RAPGEF1: variants seen among roughly 807,000 people sequenced by gnomAD.
The protein encoded by RAPGEF1 is CRK SH3-binding GNRP.
Under a neutral mutation model 143.3 loss-of-function variants are expected in RAPGEF1, and 33 were observed. The observed-to-expected ratio is 0.23, with a 90% confidence interval of 0.17 to 0.31. RAPGEF1 has a LOEUF of 0.31. Among genes scored for constraint, RAPGEF1 ranks in the 10% least tolerant of loss-of-function variants. RAPGEF1 has a pLI of 1.00. For synonymous variants in RAPGEF1, 629 were observed against 676.5 expected, an observed-to-expected ratio of 0.93 and a Z score of 1.09; for missense variants, 1,199 against 1,645.4, an observed-to-expected ratio of 0.73 and a Z score of 4.69.
intron 14 of RAPGEF1, among the ~76,000 whole-genome samples, chr9:131,602,501 G>A (rs924040012): frequency 2.0e-5 from 3 of 152,086 alleles, no homozygotes; most frequent in Non-Finnish European, 2.9e-5. Context: ...ATTTGACTTC[G>A]TCAGTGAGCT....
In RAPGEF1 at chr9:131,589,950, T is replaced by C; in HGVS notation, c.2803A>G (p.Thr935Ala). 6.2e-7 allele frequency: 1 copy of C among 1,613,828 alleles called. No homozygotes were observed. Among genetic ancestry groups the C allele is most frequent in the East Asian group, 2.2e-5 (1 of 44,866 alleles). ...TTCTTGCTGACGCGCTTCTTGAATG[T>C]GTCGGCAAAGGGAGAGAATTTCTCA... ...RYEKFSPFAD[T>A]FKKRVSKNTF... Residue 935 changes from threonine to alanine, a missense_variant, in exon 19 of 27, where the codon ACA becomes GCA. Physicochemically the swap from Thr to Ala is moderately conservative, Grantham distance 58. Transcript: ENST00000683357.
Position 131,621,809 on chromosome 9 carries a change from T to C in RAPGEF1, c.1892A>G (p.Lys631Arg). 1 of 1,607,136 alleles carries C rather than the reference T, an allele frequency of 6.2e-7. No homozygotes were observed. Among genetic ancestry groups the C allele is most frequent in the Non-Finnish European group, 8.5e-7 (1 of 1,177,114 alleles). Residue 631 changes from lysine (K) to arginine (R), a missense_variant, in exon 11 of 27, where the codon AAG (lysine) becomes AGG (arginine). Lys to Arg is a conservative substitution (Grantham distance 26). Coordinates refer to ENST00000683357, the MANE Select transcript of RAPGEF1 (RefSeq NM_001377935.1). The surrounding 1 kb of genome is among the most constrained non-coding windows in gnomAD (Gnocchi z 4.5). ...GGTGTCACTCACCAGCTGCCGCTGC[T>C]TGGGGGGTAGGGCGGGCGGCGGGGC... Reference protein sequence around the residue: ...ELAPPPALPPKQRQLASCAAS... With the variant: ...ELAPPPALPPRQRQLASCAAS...
rs183463991 is a variant in RAPGEF1, at chr9:131,677,321, T to C, written c.62-26372A>G. 6.8e-4 allele frequency among the ~76,000 whole-genome samples: 104 copies of C among 152,288 alleles called. 1 individual carries two copies. Among genetic ancestry groups the C allele is most frequent in the African/African-American group, 2.3e-3 (96 of 41,556 alleles). On this transcript the variant is annotated intron_variant, in intron 1 of 26. Transcript: ENST00000683357. ...AAAATTAAAGAGCTCTGCATGCAAG[T>C]AGAGATGCAATGTGCTAACAAATAC...
chr9:131,653,931 GAAT>G (rs1971755375), intron 1 of RAPGEF1, among the ~76,000 whole-genome samples: 1 of 152,206 alleles, frequency 6.6e-6, no homozygotes, highest in South Asian at 2.1e-4. Flanking sequence ...CCATACAATG[GAAT>G]ATTATTTGGC....
At chr9:131,592,264 G>A in intron 17 of RAPGEF1, 81 bp from the exon 18 acceptor site, 1 of 1,146,230 alleles carries the variant, frequency 8.7e-7, no homozygotes, top group Non-Finnish European at 1.3e-6. Context: ...TTGAGTCCTT[G>A]CTCTGAGAGA....
At chr9:131,734,005 T>C (rs1236236063) in intron 1 of RAPGEF1, among the ~76,000 whole-genome samples, 1 of 152,244 alleles carries the variant, frequency 6.6e-6, no homozygotes, top group African/African-American at 2.4e-5. Flanking sequence ...TTAGTGCTAT[T>C]TCTTATCTCT....
In RAPGEF1 at chr9:131,616,572, A is replaced by C. The variant is rs145748080; in HGVS notation, c.2061+2479T>G. Among the ~76,000 whole-genome samples the C allele has an allele frequency of 3.1e-3, 475 of 152,294 alleles. 13 individuals carry two copies. Among genetic ancestry groups the C allele is most frequent in the Non-Finnish European group, 6.9e-4 (47 of 68,016 alleles). ...TTCCACACAGGTTTAGTGCCCTACA[A>C]ATTCCCTTGGCAAGAGGTTTTCAAT... is the stretch of plus-strand genomic sequence containing the variant. On this transcript the variant is annotated intron_variant, in intron 12 of 26. Transcript: ENST00000683357.
chr9:131,588,738 G>C, intron 20 of RAPGEF1, 63 bp downstream of exon 20: 2 of 1,491,146 alleles, frequency 1.3e-6, no homozygotes, highest in South Asian at 1.3e-5. Context: ...CAGGGAGGGA[G>C]GGTAAACTGA....
At chr9:131,658,958 G>A (rs1309410519) in intron 1 of RAPGEF1, among the ~76,000 whole-genome samples, 3 of 152,198 alleles carry the variant, frequency 2.0e-5, no homozygotes, top group Non-Finnish European at 2.9e-5. Flanking sequence ...ACCAGGGATG[G>A]TGGGGAGTCT....
At chr9:131,606,354 T>C (rs960959581) in intron 12 of RAPGEF1, among the ~76,000 whole-genome samples, 3 of 152,180 alleles carry the variant, frequency 2.0e-5, no homozygotes, top group Admixed American at 2.0e-4. Flanking sequence ...GCTACCATCA[T>C]GGGGAGCTGG....
intron 1 of RAPGEF1, among the ~76,000 whole-genome samples, chr9:131,719,295 C>G (rs550834371): frequency 5.5e-4 from 84 of 152,328 alleles, no homozygotes; most frequent in African/African-American, 1.9e-3. Context: ...TTCTGGCCAT[C>G]TCTTGTCAGG....
chr9:131,611,578 T>C (rs1293041591), intron 12 of RAPGEF1, among the ~76,000 whole-genome samples: 1 of 152,220 alleles, frequency 6.6e-6, no homozygotes, highest in Non-Finnish European at 1.5e-5. Flanking sequence ...TCACTAAGTG[T>C]TGATCTGAAT....
chr9:131,679,734 A>G (rs1379597564), intron 1 of RAPGEF1, among the ~76,000 whole-genome samples: 1 of 152,128 alleles, frequency 6.6e-6, no homozygotes. Context: ...CAAGTTGCCC[A>G]CTCGGGGTGT....
At chr9:131,713,031 G>A (rs1445841522) in intron 1 of RAPGEF1, among the ~76,000 whole-genome samples, 2 of 152,076 alleles carry the variant, frequency 1.3e-5, no homozygotes, top group Non-Finnish European at 2.9e-5. Context: ...AATCCAAGAT[G>A]GGCAAGCGAC....
intron 1 of RAPGEF1, among the ~76,000 whole-genome samples, chr9:131,715,353 G>C (rs1181671136): frequency 6.6e-6 from 1 of 152,164 alleles, no homozygotes; most frequent in Admixed American, 6.5e-5. Context: ...GATGAGCAGA[G>C]CTGGACCAGG....
At chr9:131,731,202 G>A (rs1390207492) in intron 1 of RAPGEF1, among the ~76,000 whole-genome samples, 1 of 152,090 alleles carries the variant, frequency 6.6e-6, no homozygotes, top group Non-Finnish European at 1.5e-5. Context: ...CCTATTGTAA[G>A]GATTAAATGC....
Position 131,586,309 on chromosome 9 carries a change from A to AACAC in RAPGEF1, c.3233+1423_3233+1426dup, listed in dbSNP as rs574969723. ...ACCTGCAGAGCCAGACTCCGTCTCA[A>AACAC]ACACACACACACACACACACCTGCA... is the stretch of plus-strand genomic sequence containing the variant. On this transcript the variant is annotated intron_variant, in intron 22 of 26. Transcript: ENST00000683357. 5.1e-3 allele frequency among the ~76,000 whole-genome samples: 231 copies of AACAC among 45,592 alleles called. 10 individuals are homozygous for AACAC. The highest frequency in any genetic ancestry group is 0.016 in the African/African-American group (196 of 12,522). 29.9% of individuals were successfully genotyped at this position (45,592 alleles called of 152,430 possible).
At chr9:131,702,772 T>C (rs1036212035) in intron 1 of RAPGEF1, among the ~76,000 whole-genome samples, 30 of 152,272 alleles carry the variant, frequency 2.0e-4, no homozygotes, top group African/African-American at 7.2e-4. Context: ...CTGCCTGACC[T>C]GTAAAAAGTG....
At chr9:131,668,498 C>T (rs191585453) in intron 1 of RAPGEF1, among the ~76,000 whole-genome samples, 3 of 152,170 alleles carry the variant, frequency 2.0e-5, no homozygotes, top group South Asian at 2.1e-4. Flanking sequence ...AAACAGATGA[C>T]GAGACCGAGT....
Sources: allele counts gnomAD v4.1 joint callset (sites outside exome capture counted in the v4.1 genomes callset), GRCh38; gene constraint gnomAD v4.1.1; non-coding constraint Gnocchi (gnomAD v3.1); transcripts MANE v1.5; gene names NCBI Gene and HGNC (gene_info 2026-07-23, HGNC 2026-07-21).